Variants in TBC1D32 observed in about 807,000 individuals in gnomAD.
The protein encoded by TBC1D32 is TBC1 domain family member 32, also known as protein broad-minded.
In TBC1D32, 151 loss-of-function variants were observed where a neutral mutation model predicts 170.3. That is an observed-to-expected ratio of 0.89 (90% confidence interval 0.78 to 1.01). The LOEUF is 1.01. Ranked by LOEUF, TBC1D32 falls within the 50% of genes least tolerant of loss-of-function variation. The pLI is 0.00. For missense variants in TBC1D32, 1,464 were observed against 1,457.1 expected (o/e 1.00, Z -0.08); for synonymous variants, 498 against 488.0 (o/e 1.02, Z -0.27).
At chr6:121,297,261 A>T (rs1473323893) in intron 10 of TBC1D32, among the ~76,000 whole-genome samples, 1 of 152,046 alleles carries the variant, frequency 6.6e-6, no homozygotes, top group Non-Finnish European at 1.5e-5. Flanking sequence ...ATTTGCTATA[A>T]AACTCAGGAT....
At chr6:121,094,309 A>T (rs1440064714) in intron 30 of TBC1D32, among the ~76,000 whole-genome samples, 1 of 151,912 alleles carries the variant, frequency 6.6e-6, no homozygotes, top group Non-Finnish European at 1.5e-5. Flanking sequence ...GTGGGATTAC[A>T]GGTGTGTGCC....
intron 22 of TBC1D32, among the ~76,000 whole-genome samples, chr6:121,182,994 T>C (rs911929232): frequency 2.0e-5 from 3 of 151,766 alleles, no homozygotes; most frequent in Non-Finnish European, 4.4e-5. Context: ...ATCAACAGTA[T>C]ATTAACAGGG....
At chr6:121,223,478 T>C in intron 20 of TBC1D32, 126 bp from the exon 21 acceptor site, 1 of 693,006 alleles carries the variant, frequency 1.4e-6, no homozygotes, top group Non-Finnish European at 2.5e-6. Flanking sequence ...CTAATTCCCA[T>C]ACGTTTGAAA....
At chr6:121,108,843 T>A (rs1274995986) in intron 29 of TBC1D32, among the ~76,000 whole-genome samples, 1 of 152,308 alleles carries the variant, frequency 6.6e-6, no homozygotes, top group East Asian at 1.9e-4. Flanking sequence ...TGGTCCAGTC[T>A]AGTCCTCCAT....
At chr6:121,304,311 T>C (rs914433436) in intron 8 of TBC1D32, 54 bp downstream of exon 8, 3 of 1,522,224 alleles carry the variant, frequency 2.0e-6, no homozygotes, top group African/African-American at 1.4e-5. Flanking sequence ...GAAACGTATA[T>C]GGGGCAGTAA....
intron 17 of TBC1D32, among the ~76,000 whole-genome samples, chr6:121,253,812 T>C (rs563298324): frequency 2.6e-5 from 4 of 152,330 alleles, no homozygotes; most frequent in Middle Eastern, 3.4e-3. Context: ...ACGACCACTA[T>C]TGAAAACAGT....
chr6:121,160,225 G>A, intron 23 of TBC1D32, 122 bp from the exon 24 acceptor site: 2 of 625,766 alleles, frequency 3.2e-6, no homozygotes, highest in South Asian at 2.3e-5. Flanking sequence ...TGCAGTTGTT[G>A]CCCAGTTAAC....
chr6:121,208,534 A>C (rs1792593506), intron 21 of TBC1D32, among the ~76,000 whole-genome samples: 1 of 152,058 alleles, frequency 6.6e-6, no homozygotes, highest in African/African-American at 2.4e-5. Flanking sequence ...TACGGAAACT[A>C]TAATTCAAGA....
intron 24 of TBC1D32, among the ~76,000 whole-genome samples, chr6:121,151,585 A>G (rs762317635): frequency 6.6e-6 from 1 of 152,162 alleles, no homozygotes; most frequent in Admixed American, 6.5e-5. Flanking sequence ...TCAACTGTCT[A>G]ATATTGACAG....
At chr6:121,172,056 T>C (rs984016011) in intron 22 of TBC1D32, among the ~76,000 whole-genome samples, 9 of 152,124 alleles carry the variant, frequency 5.9e-5, no homozygotes, top group Non-Finnish European at 8.8e-5. Context: ...CAAATGGTGC[T>C]GGGGAAGGGA....
chr6:121,292,370 C>T (rs980934240), intron 11 of TBC1D32, among the ~76,000 whole-genome samples, 177 bp from the exon 12 acceptor site: 8 of 151,882 alleles, frequency 5.3e-5, no homozygotes, highest in African/African-American at 1.7e-4. Flanking sequence ...ACAATAAATC[C>T]CCAAAGAAAA....
chr6:121,125,057 C>T (rs948081588), intron 26 of TBC1D32, among the ~76,000 whole-genome samples: 2 of 152,092 alleles, frequency 1.3e-5, no homozygotes, highest in African/African-American at 2.4e-5. Context: ...TTGGTGAGGT[C>T]GTATTTCCAT....
At chr6:121,106,456 G>C (rs950852426) in intron 29 of TBC1D32, among the ~76,000 whole-genome samples, 2 of 152,096 alleles carry the variant, frequency 1.3e-5, no homozygotes, top group Middle Eastern at 3.4e-3. Context: ...GGAAAGATGA[G>C]GAGGGCTGTT....
At chr6:121,110,792 T>A (rs1779126757) in intron 29 of TBC1D32, among the ~76,000 whole-genome samples, 1 of 152,184 alleles carries the variant, frequency 6.6e-6, no homozygotes, top group African/African-American at 2.4e-5. Context: ...ATTTATACTG[T>A]CGTATAAATG....
chr6:121,184,679 C>G (rs1788945110), intron 22 of TBC1D32, among the ~76,000 whole-genome samples: 1 of 151,886 alleles, frequency 6.6e-6, no homozygotes, highest in South Asian at 2.1e-4. Flanking sequence ...GTTTCAATGA[C>G]AGATTGGATA....
intron 12 of TBC1D32, among the ~76,000 whole-genome samples, chr6:121,291,503 T>C (rs1453660222): frequency 2.0e-5 from 3 of 152,218 alleles, no homozygotes; most frequent in Non-Finnish European, 2.9e-5. Flanking sequence ...TCATTTTTAC[T>C]TCCCTTAAGA....
intron 27 of TBC1D32, 39 bp downstream of exon 27, chr6:121,115,133 T>C (rs1009376128): frequency 4.6e-6 from 7 of 1,523,298 alleles, no homozygotes; most frequent in Non-Finnish European, 6.2e-6. Flanking sequence ...TAAAACAAAT[T>C]CTAGAAATGC....
intron 22 of TBC1D32, among the ~76,000 whole-genome samples, chr6:121,201,642 CT>C (rs1219046881): frequency 1.3e-5 from 2 of 150,224 alleles, no homozygotes; most frequent in Admixed American, 6.6e-5. Context: ...ACTGGGGCTT[CT>C]TTTTTTTTGT....
intron 17 of TBC1D32, among the ~76,000 whole-genome samples, chr6:121,253,644 G>A (rs1798588552): frequency 6.6e-6 from 1 of 152,016 alleles, no homozygotes; most frequent in Non-Finnish European, 1.5e-5. Context: ...GCGTCAATCT[G>A]GGAGGCGGAG....
Sources: gnomAD v4.1 joint callset for allele counts (sites outside exome capture counted in the v4.1 genomes callset) on GRCh38, gnomAD v4.1.1 for gene constraint, MANE v1.5 for transcripts, NCBI Gene and HGNC (gene_info 2026-07-23, HGNC 2026-07-21) for gene names.